The following CSMD2 variants were observed in gnomAD, a reference collection of about 807,000 sequenced individuals.
CSMD2 encodes the protein CUB and sushi domain-containing protein 2.
CSMD2 carries 130 observed loss-of-function variants against 398.5 expected under a neutral mutation model. That is an observed-to-expected ratio of 0.33 (90% CI 0.28 to 0.38). CSMD2 has a LOEUF of 0.38. CSMD2 is among the 10% of genes least tolerant of loss of function. The probability of loss-of-function intolerance (pLI) is 1.00; values close to 1 mark genes in which losing one functional copy is unlikely to be tolerated. For missense variants in CSMD2, 3,829 were observed against 4,764.9 expected (o/e 0.80, Z 5.78); for synonymous variants, 1,828 against 1,908.5 (o/e 0.96, Z 1.10).
At chr1:33,995,632 T>A (rs2148012950) in intron 3 of CSMD2, among the ~76,000 whole-genome samples, 1 of 152,334 alleles carries the variant, frequency 6.6e-6, no homozygotes, top group Non-Finnish European at 1.5e-5. Flanking sequence ...ACATGGCAGC[T>A]ATCTCACCAG....
intron 29 of CSMD2, among the ~76,000 whole-genome samples, chr1:33,640,908 G>T (rs114412364): frequency 6.2e-4 from 95 of 152,304 alleles, no homozygotes; most frequent in African/African-American, 2.2e-3. Context: ...CAGGCCCACA[G>T]TGTTACTTCC....
chr1:33,883,805 C>T (rs1327226920), intron 5 of CSMD2, among the ~76,000 whole-genome samples: 3 of 152,226 alleles, frequency 2.0e-5, no homozygotes, highest in Non-Finnish European at 4.4e-5. Context: ...AGATAGAAGC[C>T]TTCCCTCTTA....
In CSMD2 at chr1:33,540,804, G is replaced by C. The variant is rs551266395; in HGVS notation, c.9458-106C>G. The C allele has an allele frequency of 3.8e-6, 5 of 1,313,998 alleles. No individual in the cohort carries two copies. The Middle Eastern group carries it at 8.3e-4, about 218-fold the overall frequency. 81.4% of individuals were successfully genotyped at this position (1,313,998 alleles called of 1,614,324 possible). A position where few individuals can be genotyped will look rare whatever the true frequency, so the allele number is the denominator to read the frequency against. ...TACCCTGCACCCACCTAGAGCCTGG[G>C]CTAAACAGGAAGAACCAGAATGGGG... On this transcript the variant is annotated intron_variant, in intron 59 of 70. Transcript: ENST00000373381.
chr1:33,832,339 G>C (rs960086947), intron 6 of CSMD2, among the ~76,000 whole-genome samples: 20 of 151,446 alleles, frequency 1.3e-4, no homozygotes, highest in African/African-American at 4.9e-4. Context: ...AATCAAACTA[G>C]AACTCAGGAT....
chr1:33,794,664 A>G (rs900898675), intron 10 of CSMD2, among the ~76,000 whole-genome samples: 3 of 152,242 alleles, frequency 2.0e-5, no homozygotes, highest in Non-Finnish European at 2.9e-5. Context: ...AAGGGTTGGC[A>G]GTAAAGGCAT....
At chr1:33,648,114 G>A (rs1444379268) in intron 28 of CSMD2, among the ~76,000 whole-genome samples, 1 of 152,148 alleles carries the variant, frequency 6.6e-6, no homozygotes, top group African/African-American at 2.4e-5. Flanking sequence ...TGTAATCCCA[G>A]CACTTTGGGA....
At chr1:33,961,726 A>G (rs1216279772) in intron 3 of CSMD2, among the ~76,000 whole-genome samples, 1 of 152,026 alleles carries the variant, frequency 6.6e-6, no homozygotes, top group African/African-American at 2.4e-5. Flanking sequence ...CGTTTAAAGG[A>G]GCCTGAAATC....
chr1:33,726,612 A>G lies in CSMD2; in HGVS notation c.2442T>C (p.Asp814=), dbSNP rs1196763745. The G allele has an allele frequency of 6.2e-7, 1 of 1,613,776 alleles. No homozygotes were observed. The change falls in exon 16 of 71, where the codon GAT becomes GAC. Residue 814 remains aspartate (D), a synonymous_variant. Coordinates refer to ENST00000373381, the MANE Select transcript of CSMD2 (RefSeq NM_001281956.2). ...CAATCACCCAGGCACAGCTCAAGGCATCCTTGTAGAAGCCAGGCCAGCCCG... is the reference window on the plus strand; with the variant it reads ...CAATCACCCAGGCACAGCTCAAGGCGTCCTTGTAGAAGCCAGGCCAGCCCG... ...LSPGWPGFYK[D]ALSCAWVIEA... is the part of the protein sequence containing the mutation.
intron 22 of CSMD2, among the ~76,000 whole-genome samples, chr1:33,702,338 A>C (rs1242039903): frequency 6.6e-6 from 1 of 152,240 alleles, no homozygotes; most frequent in East Asian, 1.9e-4. Context: ...GATGCTATTA[A>C]GAAATTATGG....
chr1:33,994,661 C>T (rs1646669149), intron 3 of CSMD2, among the ~76,000 whole-genome samples: 1 of 152,156 alleles, frequency 6.6e-6, no homozygotes, highest in African/African-American at 2.4e-5. Context: ...AGTTAAAATG[C>T]CCTTCACCCT....
chr1:33,666,405 T>C (rs763336824), intron 25 of CSMD2, among the ~76,000 whole-genome samples: 1 of 152,242 alleles, frequency 6.6e-6, no homozygotes, highest in Non-Finnish European at 1.5e-5. Context: ...TTTTCATCTT[T>C]GTTATGGTTT....
At chr1:34,064,198 G>T (rs1026443000) in intron 2 of CSMD2, among the ~76,000 whole-genome samples, 1 of 152,198 alleles carries the variant, frequency 6.6e-6, no homozygotes, top group African/African-American at 2.4e-5. Context: ...TTAACATTTG[G>T]TTCCTTGTTA....
intron 1 of CSMD2, among the ~76,000 whole-genome samples, chr1:34,135,178 A>G (rs1250947015): frequency 6.6e-6 from 1 of 151,900 alleles, no homozygotes; most frequent in Non-Finnish European, 1.5e-5. Context: ...TGGCAAGTTT[A>G]TCAAATGCAT....
At chr1:33,717,986 T>G (rs925619085) in intron 19 of CSMD2, among the ~76,000 whole-genome samples, 5 of 152,168 alleles carry the variant, frequency 3.3e-5, no homozygotes, top group African/African-American at 1.2e-4. Context: ...TCAGCCCCTG[T>G]CCCTTGGAAG....
rs112578768 is a variant in CSMD2, at chr1:33,731,796, A to AT, written c.2369-5112dup. The stretch of plus-strand genomic sequence containing the variant: ...AATTTGATTATATTAATTGTTTTTA[A>AT]TTTTTTAAAATGATAGCAATGTGGT... On this transcript the variant is annotated intron_variant, in intron 15 of 70. Transcript: ENST00000373381. Among the ~76,000 whole-genome samples the AT allele has an allele frequency of 3.3e-5, 5 of 152,318 alleles. 1 individual carries two copies. Among genetic ancestry groups the AT allele is most frequent in the African/African-American group, 1.2e-4 (5 of 41,578 alleles).
intron 5 of CSMD2, among the ~76,000 whole-genome samples, chr1:33,854,575 A>G (rs1299911878): frequency 6.6e-6 from 1 of 152,194 alleles, no homozygotes; most frequent in African/African-American, 2.4e-5. Flanking sequence ...TACCTGCTTC[A>G]CTTAGCAGCT....
At chr1:34,021,261 G>C in intron 3 of CSMD2, among the ~76,000 whole-genome samples, 1 of 152,196 alleles carries the variant, frequency 6.6e-6, no homozygotes, top group Admixed American at 6.5e-5. Flanking sequence ...CCAAGGAAGA[G>C]GTGGCAGAAA....
At chr1:33,856,397 C>G (rs736974) in intron 5 of CSMD2, among the ~76,000 whole-genome samples, 19,531 of 152,220 alleles carry the variant, frequency 0.13, 1,642 homozygotes, top group South Asian at 0.31. Context: ...AGCCTGGCCT[C>G]CACTGGCTCC....
chr1:33,968,242 G>C (rs1369796959), intron 3 of CSMD2, among the ~76,000 whole-genome samples: 1 of 152,216 alleles, frequency 6.6e-6, no homozygotes, highest in African/African-American at 2.4e-5. Context: ...ACTCACATGG[G>C]AGCTGGGGTG....
Sources: allele counts gnomAD v4.1 joint callset (sites outside exome capture counted in the v4.1 genomes callset), GRCh38; gene constraint gnomAD v4.1.1; transcripts MANE v1.5; gene names NCBI Gene and HGNC (gene_info 2026-07-23, HGNC 2026-07-21).